The following IL5RA variants were observed in gnomAD, a reference collection of about 807,000 sequenced individuals.
IL5RA encodes interleukin-5 receptor subunit alpha.
Under a neutral mutation model 50.0 loss-of-function variants are expected in IL5RA, and 49 were observed. The observed-to-expected ratio is 0.98, with a 90% CI of 0.78 to 1.24. The LOEUF is 1.24. Ranked by LOEUF, IL5RA falls within the 50% of genes most tolerant of loss-of-function variation. IL5RA has a pLI of 0.00. For synonymous variants in IL5RA, 202 were observed against 174.0 expected (o/e 1.16, Z -1.26); for missense variants, 600 against 500.4 (o/e 1.20, Z -1.90).
intron 9 of IL5RA, among the ~76,000 whole-genome samples, chr3:3,084,392 A>G (rs1347191959): frequency 6.6e-6 from 1 of 152,224 alleles, no homozygotes; most frequent in African/African-American, 2.4e-5. Flanking sequence ...CACACCAAAT[A>G]TTCTAGATAC....
Position 3,092,029 on chromosome 3 carries a change from C to G in IL5RA, c.994+195G>C, listed in dbSNP as rs987527454. The G allele has an allele frequency of 1.1e-5, 15 of 1,356,064 alleles. No individual in the cohort carries two copies. The highest frequency in any genetic ancestry group is 3.0e-5 in the African/African-American group (2 of 67,356). The allele number at this position is 1,356,064 out of a possible 1,614,324, so 84.0% of individuals were successfully genotyped here. ...TAGGAGAGTTGGCGCTAATGAGAAG[C>G]CTAGACACTTAAAAACTTCACTGGC... On this transcript the variant is annotated intron_variant, in intron 9 of 11. Coordinates refer to ENST00000446632, the MANE Select transcript of IL5RA (RefSeq NM_175726.4). The surrounding 1 kb of genome is among the most constrained non-coding windows in gnomAD (Gnocchi z 4.2).
intron 8 of IL5RA, among the ~76,000 whole-genome samples, chr3:3,094,494 G>C (rs981944837): frequency 6.6e-6 from 1 of 152,014 alleles, no homozygotes; most frequent in African/African-American, 2.4e-5. Context: ...GCTGCATTTT[G>C]CTTATCCATT....
chr3:3,075,808 G>C (rs1416335015), intron 10 of IL5RA, among the ~76,000 whole-genome samples: 1 of 151,940 alleles, frequency 6.6e-6, no homozygotes, highest in Non-Finnish European at 1.5e-5. Flanking sequence ...CACCACATTA[G>C]CCAGGGTGGT....
rs1702141738 is a variant in IL5RA, at chr3:3,066,541, A to C, written c.*3684T>G. 2.0e-5 allele frequency: 3 copies of C among 152,174 alleles called. No homozygotes were observed. The South Asian group carries it at 6.2e-4, about 32-fold the overall frequency. The allele number at this position is 152,174 out of a possible 1,614,324, so 9.4% of individuals were successfully genotyped here. On this transcript the variant is annotated 3_prime_UTR_variant, in exon 12 of 12. Coordinates refer to ENST00000446632, the MANE Select transcript of IL5RA (RefSeq NM_175726.4). Reference sequence around the variant, plus strand: ...TTAGGCTAGCACCAAGTCCTATTCTAATTAGGTTTTTCACCTTTACTTGTG... The same window carrying C: ...TTAGGCTAGCACCAAGTCCTATTCTCATTAGGTTTTTCACCTTTACTTGTG...
Position 3,070,140 on chromosome 3 carries a change from C to G in IL5RA, c.*85G>C, listed in dbSNP as rs1484246758. On this transcript the variant is annotated 3_prime_UTR_variant, in exon 12 of 12. Coordinates refer to ENST00000446632, the MANE Select transcript of IL5RA (RefSeq NM_175726.4). Reference sequence around the variant, plus strand: ...TGAGTGTTGCCTAAATTCTGAACACCTCTTAGCCAAGAGCCAGCATCCCTG... The same window carrying G: ...TGAGTGTTGCCTAAATTCTGAACACGTCTTAGCCAAGAGCCAGCATCCCTG... 4 of 863,504 alleles carry G rather than the reference C, an allele frequency of 4.6e-6. No homozygotes were observed. The highest frequency in any genetic ancestry group is 7.7e-6 in the Non-Finnish European group (4 of 522,288). 53.5% of individuals were successfully genotyped at this position (863,504 alleles called of 1,614,324 possible).
intron 9 of IL5RA, among the ~76,000 whole-genome samples, chr3:3,083,986 G>T (rs899522747): frequency 2.6e-5 from 4 of 151,204 alleles, no homozygotes; most frequent in African/African-American, 9.7e-5. Flanking sequence ...GAGGTGGAGG[G>T]TGCAGTGAGC....
At chr3:3,106,789 T>C (rs1279816777) in intron 2 of IL5RA, among the ~76,000 whole-genome samples, 1 of 152,172 alleles carries the variant, frequency 6.6e-6, no homozygotes, top group Non-Finnish European at 1.5e-5. Flanking sequence ...TTAAATATGC[T>C]CTGATTTTGC....
At chr3:3,105,624 T>TCCCC (rs3214846) in intron 2 of IL5RA, 1 of 139,754 alleles carries the variant, frequency 7.2e-6, no homozygotes, top group African/African-American at 2.7e-5. Context: ...TTTGTTTTGT[T>TCCCC]CCCCCCCCCA....
At chr3:3,091,978 C>T (rs184409865) in intron 9 of IL5RA, 25 of 1,213,766 alleles carry the variant, frequency 2.1e-5, no homozygotes, top group Non-Finnish European at 2.5e-5. Flanking sequence ...AGAAACAAAA[C>T]TTGGAAAAAA....
rs751069851 is a variant in IL5RA, at chr3:3,102,702, C to T, written c.201G>A (p.Val67=). 6.2e-7 allele frequency: 1 copy of T among 1,602,650 alleles called. No individual in the cohort carries two copies. Among genetic ancestry groups the T allele is most frequent in the Non-Finnish European group, 8.5e-7 (1 of 1,173,334 alleles). ...EQRNVNLEYQ[V]KINAPKEDDY... ...CATCTTCTTTTGGAGCGTTTATTTT[C>T]ACTTGATATTCTAGATTAACATTCC... Residue 67 remains valine (V), a synonymous_variant, in exon 4 of 12, where the codon GTG becomes GTA. Transcript: ENST00000446632.
chr3:3,093,345 G>A (rs1014512334), intron 8 of IL5RA, among the ~76,000 whole-genome samples: 2 of 152,178 alleles, frequency 1.3e-5, no homozygotes, highest in Non-Finnish European at 2.9e-5. Context: ...TTACTGGCTT[G>A]TGATGGGCTA....
At chr3:3,102,963 T>C (rs1703725672) in intron 3 of IL5RA, 143 bp from the exon 4 acceptor site, 1 of 577,848 alleles carries the variant, frequency 1.7e-6, no homozygotes, top group Non-Finnish European at 2.9e-6. Flanking sequence ...TGCGTGCCTG[T>C]AACACCGGGG....
In IL5RA at chr3:3,092,369, G is replaced by C; in HGVS notation, c.856-7C>G. ...TGGTCATCAATTTTTCTATCTAAGT[G>C]GGGAAAGATAGCATTAGAAGAATCT... On this transcript the variant is annotated splice_polypyrimidine_tract_variant and splice_region_variant and intron_variant, in intron 8 of 11. Coordinates refer to ENST00000446632, the MANE Select transcript of IL5RA (RefSeq NM_175726.4). This position sits in a 1 kb window ranked among gnomAD's most constrained non-coding sequence, Gnocchi z 4.2. 1.2e-6 allele frequency: 2 copies of C among 1,611,616 alleles called. No homozygotes were observed. Among genetic ancestry groups the C allele is most frequent in the Non-Finnish European group, 1.7e-6 (2 of 1,179,114 alleles).
At chr3:3,097,720 G>T in intron 7 of IL5RA, 150 bp downstream of exon 7, 7 of 785,156 alleles carry the variant, frequency 8.9e-6, no homozygotes, top group Non-Finnish European at 1.4e-5. Context: ...TGTTGGAATG[G>T]AGAACCTTGC....
rs1157081546 is a variant in IL5RA at position 3,069,431 on chromosome 3, G to C, written c.*794C>G. On this transcript the variant is annotated 3_prime_UTR_variant, in exon 12 of 12. Transcript: ENST00000446632. Reference sequence around the variant, plus strand: ...CAGAAAGTTCATTCTTGATTCAGTGGTCCCTTTCATGATTGAATTATGCTC... The same window carrying C: ...CAGAAAGTTCATTCTTGATTCAGTGCTCCCTTTCATGATTGAATTATGCTC... 1.3e-5 allele frequency: 2 copies of C among 152,168 alleles called. No homozygotes were observed. The highest frequency in any genetic ancestry group is 2.9e-5 in the Non-Finnish European group (2 of 68,026). 9.4% of individuals were successfully genotyped at this position (152,168 alleles called of 1,614,324 possible). A position where few individuals can be genotyped will look rare whatever the true frequency, so the allele number is the denominator to read the frequency against.
chr3:3,082,957 A>C (rs73006978), intron 9 of IL5RA, among the ~76,000 whole-genome samples: 3 of 152,356 alleles, frequency 2.0e-5, no homozygotes, highest in Non-Finnish European at 4.4e-5. Flanking sequence ...AGAGCTAATT[A>C]GTAAATTGAT....
At chr3:3,102,135 T>G (rs1397119999) in intron 4 of IL5RA, among the ~76,000 whole-genome samples, 2 of 152,220 alleles carry the variant, frequency 1.3e-5, no homozygotes, top group Non-Finnish European at 2.9e-5. Flanking sequence ...CCATATTGAC[T>G]GAAAAATAGT....
intron 9 of IL5RA, among the ~76,000 whole-genome samples, chr3:3,082,084 C>T (rs907563546): frequency 3.3e-5 from 5 of 152,076 alleles, no homozygotes; most frequent in South Asian, 2.1e-4. Context: ...AAAAAAAATG[C>T]CAGTACATTA....
rs1704046410 is a variant in IL5RA, at chr3:3,108,704, G to A, written c.-145-13C>T. 6.6e-6 allele frequency: 1 copy of A among 152,174 alleles called. No homozygotes were observed. The highest frequency in any genetic ancestry group is 1.5e-5 in the Non-Finnish European group (1 of 68,050). The allele number at this position is 152,174 out of a possible 1,614,324, so 9.4% of individuals were successfully genotyped here. A position where few individuals can be genotyped will look rare whatever the true frequency, so the allele number is the denominator to read the frequency against. On this transcript the variant is annotated splice_polypyrimidine_tract_variant and intron_variant, in intron 1 of 11. Transcript: ENST00000446632. ...AATGTGCCTGGCCCTGTGTGGAATA[G>A]AAGCAAATTAGTGCACAGCCCTAAT...
Sources: allele counts gnomAD v4.1 joint callset (sites outside exome capture counted in the v4.1 genomes callset), GRCh38; gene constraint gnomAD v4.1.1; non-coding constraint Gnocchi (gnomAD v3.1); transcripts MANE v1.5; gene names NCBI Gene and HGNC (gene_info 2026-07-23, HGNC 2026-07-21).